Variants in TMEM181 observed in about 807,000 individuals in gnomAD.
The protein encoded by TMEM181 is transmembrane protein 181.
TMEM181 carries 39 observed loss-of-function variants against 71.9 expected under a neutral mutation model. That is an observed-to-expected ratio of 0.54 (90% confidence interval 0.42 to 0.71). The LOEUF (loss-of-function observed/expected upper bound fraction) is 0.71, where lower values mean the gene tolerates loss of function less well. TMEM181 is among the 30% of genes least tolerant of loss of function. The probability of loss-of-function intolerance (pLI) is 0.00; values close to 1 mark genes in which losing one functional copy is unlikely to be tolerated. For synonymous variants in TMEM181, 245 were observed against 228.8 expected (o/e 1.07, Z -0.64); for missense variants, 595 against 583.0 (o/e 1.02, Z -0.21).
At chr6:158,567,255 G>A (rs897662495) in intron 1 of TMEM181, among the ~76,000 whole-genome samples, 3 of 152,174 alleles carry the variant, frequency 2.0e-5, no homozygotes, top group Non-Finnish European at 4.4e-5. Flanking sequence ...CCTGGCCTGG[G>A]TAGCTGGGCC....
chr6:158,616,799 A>T (rs1415725527), intron 10 of TMEM181, among the ~76,000 whole-genome samples: 1 of 152,160 alleles, frequency 6.6e-6, no homozygotes, highest in Admixed American at 6.5e-5. Context: ...ATAGATTTGT[A>T]TATGTTGAAC....
At chr6:158,560,633 C>T (rs997297823) in intron 1 of TMEM181, among the ~76,000 whole-genome samples, 1 of 152,186 alleles carries the variant, frequency 6.6e-6, no homozygotes, top group African/African-American at 2.4e-5. Flanking sequence ...AGGCCCCGCC[C>T]CGTCGTCCCC....
chr6:158,566,619 GTGAGGGAGGTGATGGTGAGCTCA>G (rs1782515292), intron 1 of TMEM181, among the ~76,000 whole-genome samples: 1 of 146,956 alleles, frequency 6.8e-6, no homozygotes, highest in African/African-American at 2.5e-5. Flanking sequence ...AGGTGATACG[GTGAGGGAGGTGATGGTGAGCTCA>G]TGAGGGAGGT....
intron 1 of TMEM181, among the ~76,000 whole-genome samples, chr6:158,551,495 C>G (rs1238808084): frequency 1.3e-5 from 2 of 152,022 alleles, no homozygotes; most frequent in African/African-American, 4.8e-5. Context: ...CTGTGGATGA[C>G]AAAACACAGG....
intron 10 of TMEM181, chr6:158,621,506 C>G (rs2128326402): frequency 5.0e-6 from 1 of 200,128 alleles, no homozygotes; most frequent in East Asian, 1.3e-4. Flanking sequence ...CGTCCTGAAC[C>G]CAACACAGAG....
chr6:158,567,711 T>A (rs1285141252), intron 1 of TMEM181, among the ~76,000 whole-genome samples: 1 of 151,998 alleles, frequency 6.6e-6, no homozygotes, highest in African/African-American at 2.4e-5. Context: ...GATGCGCGGG[T>A]TTCAGTGTTG....
chr6:158,609,172 T>G (rs190061380), intron 10 of TMEM181, among the ~76,000 whole-genome samples: 150 of 152,250 alleles, frequency 9.9e-4, no homozygotes, highest in Non-Finnish European at 1.9e-3. Context: ...GAATCAGCTT[T>G]CAGTTTATCT....
At chr6:158,559,598 G>T (rs553957253), upstream of TMEM181, among the ~76,000 whole-genome samples, 1 of 152,322 alleles carries the variant, frequency 6.6e-6, no homozygotes, top group South Asian at 2.1e-4. Context: ...GTCTAGAAGC[G>T]GCTTGCGGGA....
At chr6:158,628,768 G>A (rs926693230) in intron 14 of TMEM181, among the ~76,000 whole-genome samples, 2 of 152,200 alleles carry the variant, frequency 1.3e-5, no homozygotes, top group Non-Finnish European at 2.9e-5. Flanking sequence ...AGAGGCTGGC[G>A]CTCTGGAGCG....
chr6:158,546,809 A>T (rs1178035091), intron 1 of TMEM181, among the ~76,000 whole-genome samples: 2 of 151,622 alleles, frequency 1.3e-5, no homozygotes, highest in African/African-American at 4.9e-5. Context: ...AAAATACAAA[A>T]ATTAGCAGGG....
chr6:158,608,777 T>G (rs2128317749), intron 10 of TMEM181, 27 bp downstream of exon 10: 1 of 1,598,128 alleles, frequency 6.3e-7, no homozygotes. Flanking sequence ...TGTGTGAAAC[T>G]TCAGTCATGA....
intron 10 of TMEM181, chr6:158,609,960 C>A: frequency 4.4e-6 from 1 of 226,466 alleles, no homozygotes; most frequent in South Asian, 7.8e-5. Context: ...GCCATGAGGC[C>A]CACCGACGTT....
intron 1 of TMEM181, among the ~76,000 whole-genome samples, chr6:158,547,016 A>C (rs1346549512): frequency 6.7e-6 from 1 of 150,032 alleles, no homozygotes; most frequent in Middle Eastern, 3.3e-3. Context: ...GCGCAGTGGC[A>C]CACGCCTGTA....
chr6:158,570,944 C>G (rs1328883844), intron 1 of TMEM181, among the ~76,000 whole-genome samples: 3 of 150,784 alleles, frequency 2.0e-5, no homozygotes, highest in Non-Finnish European at 4.4e-5. Context: ...GATGGAGTCT[C>G]GCTCTGTCAC....
intron 1 of TMEM181, among the ~76,000 whole-genome samples, chr6:158,570,233 C>CTT (rs542922209): frequency 8.0e-5 from 11 of 136,718 alleles, no homozygotes; most frequent in Admixed American, 7.4e-5. Context: ...TTTCCGTACA[C>CTT]TTTTTTTTTT....
At chr6:158,542,094 A>G (rs1171186917) in intron 1 of TMEM181, among the ~76,000 whole-genome samples, 1 of 151,510 alleles carries the variant, frequency 6.6e-6, no homozygotes. Flanking sequence ...TTTAGTAGAG[A>G]TGGGGCTTCA....
chr6:158,570,289 G>C (rs1441699421), intron 1 of TMEM181, among the ~76,000 whole-genome samples: 1 of 150,728 alleles, frequency 6.6e-6, no homozygotes, highest in Non-Finnish European at 1.5e-5. Flanking sequence ...CTGGGGTGCA[G>C]TGGTGCAATC....
Position 158,560,133 on chromosome 6 carries a change from G to C in TMEM181, c.-92G>C. ...CCGCTGCTCAGCCGCTGTCGCTCCG[G>C]CTCCGGCTGCGGCTGCCGCTGCCGA... On this transcript the variant is annotated 5_prime_UTR_variant, in exon 1 of 17. Coordinates refer to ENST00000684151, the MANE Select transcript of TMEM181 (RefSeq NM_001376852.1). 5 of 984,852 alleles carry C rather than the reference G, an allele frequency of 5.1e-6. No homozygotes were observed. Among genetic ancestry groups the C allele is most frequent in the Non-Finnish European group, 6.0e-6 (5 of 829,718 alleles). The allele number at this position is 984,852 out of a possible 1,614,324, so 61.0% of individuals were successfully genotyped here.
chr6:158,550,708 TAGTCCCCAATTTTAG>T (rs1781692547), intron 1 of TMEM181, among the ~76,000 whole-genome samples: 1 of 151,356 alleles, frequency 6.6e-6, no homozygotes, highest in Non-Finnish European at 1.5e-5. Flanking sequence ...AGGAACAGAG[TAGTCCCCAATTTTAG>T]TAATTTCATG....
Sources: gnomAD v4.1 joint callset for allele counts (sites outside exome capture counted in the v4.1 genomes callset) on GRCh38, gnomAD v4.1.1 for gene constraint, MANE v1.5 for transcripts, NCBI Gene and HGNC (gene_info 2026-07-23, HGNC 2026-07-21) for gene names.